Variants in PCDHGB1 observed in about 807,000 individuals in gnomAD.
PCDHGB1 encodes protocadherin gamma subfamily B, 1.
Under a neutral mutation model 56.6 loss-of-function variants are expected in PCDHGB1, and 34 were observed. The observed-to-expected ratio is 0.60, with a 90% confidence interval of 0.46 to 0.80. The LOEUF is 0.80. PCDHGB1 is among the 30% of genes least tolerant of loss of function. The probability of loss-of-function intolerance (pLI) is 0.00; values close to 1 mark genes in which losing one functional copy is unlikely to be tolerated. For synonymous variants in PCDHGB1, 561 were observed against 505.9 expected (o/e 1.11, Z -1.46); for missense variants, 1,278 against 1,204.6 (o/e 1.06, Z -0.90).
At chr5:141,362,567 ATTAAT>A in intron 1 of PCDHGB1, 1 of 1,607,936 alleles carries the variant, frequency 6.2e-7, no homozygotes, top group Non-Finnish European at 8.5e-7. Context: ...GTGAGCTTTA[ATTAAT>A]TTATTTTCAC....
intron 1 of PCDHGB1, among the ~76,000 whole-genome samples, chr5:141,484,179 A>G (rs2099592960): frequency 6.6e-6 from 1 of 152,222 alleles, no homozygotes; most frequent in South Asian, 2.1e-4. Context: ...GATCTCAATC[A>G]TTCAAGGAAG....
At position 141,489,774 on chromosome 5, in the gene PCDHGB1, C is replaced by T; in HGVS notation, c.2410-5033C>T. The T allele has an allele frequency of 1.2e-6, 2 of 1,614,164 alleles. No homozygotes were observed. Among genetic ancestry groups the T allele is most frequent in the Non-Finnish European group, 8.5e-7 (1 of 1,179,998 alleles). On this transcript the variant is annotated intron_variant, in intron 1 of 3. Transcript: ENST00000523390. The surrounding 1 kb of genome is among the most constrained non-coding windows in gnomAD (Gnocchi z 4.5). The stretch of plus-strand genomic sequence containing the variant: ...ACACTCTAAGCCCCAACAGCCACTT[C>T]TCTCTGAATGTGAAGACCCTAAAAG...
rs374253072 is a variant in PCDHGB1, at chr5:141,476,894, G to A, written c.2410-17913G>A. ...GCGCGTCCTGGAGGATGCACCCTCCGGCACGCGCGTGGTACAAGTCCTTGC... is the reference window on the plus strand; with the variant it reads ...GCGCGTCCTGGAGGATGCACCCTCCAGCACGCGCGTGGTACAAGTCCTTGC... On this transcript the variant is annotated intron_variant, in intron 1 of 3. Transcript: ENST00000523390. The surrounding 1 kb of genome is among the most constrained non-coding windows in gnomAD (Gnocchi z 7.6). 48 of 1,613,834 alleles carry A rather than the reference G, an allele frequency of 3.0e-5. No homozygotes were observed. In the African/African-American group the frequency reaches 5.6e-4, roughly 19 times the overall value.
At chr5:141,384,225 G>A (rs757132379) in intron 1 of PCDHGB1, 1 of 1,613,856 alleles carries the variant, frequency 6.2e-7, no homozygotes, top group Non-Finnish European at 8.5e-7. Context: ...TCATGCAGGT[G>A]GCAGACACCA....
chr5:141,371,694 T>A lies in PCDHGB1; in HGVS notation c.2409+19025T>A, dbSNP rs1409788183. 6.8e-6 allele frequency: 11 copies of A among 1,613,912 alleles called. No homozygotes were observed. The Admixed American group carries it at 1.7e-4, about 24-fold the overall frequency. ...CGACAAAGGCAATCCACCGCTCTCC[T>A]CCAGCAAGACCATCACTCTGCACAT... On this transcript the variant is annotated intron_variant, in intron 1 of 3. Coordinates refer to ENST00000523390, the MANE Select transcript of PCDHGB1 (RefSeq NM_018922.3).
intron 1 of PCDHGB1, among the ~76,000 whole-genome samples, chr5:141,473,343 T>C (rs1309426537): frequency 6.6e-6 from 1 of 152,218 alleles, no homozygotes; most frequent in Non-Finnish European, 1.5e-5. Flanking sequence ...TGCTAGACAG[T>C]GAGGATGCAA....
At chr5:141,402,812 C>A in intron 1 of PCDHGB1, 1 of 1,243,796 alleles carries the variant, frequency 8.0e-7, no homozygotes, top group Non-Finnish European at 1.1e-6. Flanking sequence ...GCAGATACCA[C>A]AAACCTGCTC....
At chr5:141,423,880 G>A in intron 1 of PCDHGB1, 1 of 1,282,292 alleles carries the variant, frequency 7.8e-7, no homozygotes, top group Middle Eastern at 2.9e-4. Context: ...TTTCAATCTT[G>A]GCATATTTTC....
rs200777796 is a variant in PCDHGB1, at chr5:141,352,653, C to A, written c.2393C>A (p.Pro798His). ...GAAGATCACAAAATCGCTTATGACCCTTCTTTGTCTTCGCACGTGAGTTTC... is the reference window on the plus strand; with the variant it reads ...GAAGATCACAAAATCGCTTATGACCATTCTTTGTCTTCGCACGTGAGTTTC... ...SNEDHKIAYD[P>H]SLSSHQAPPN... Residue 798 changes from proline to histidine, a missense_variant, in exon 1 of 4, where the codon CCT (proline) becomes CAT (histidine). Transcript: ENST00000523390. The A allele has an allele frequency of 6.6e-4, 1,052 of 1,597,498 alleles. No homozygotes were observed. The highest frequency in any genetic ancestry group is 8.1e-4 in the Non-Finnish European group (954 of 1,171,256).
rs181397365 is a variant in PCDHGB1, at chr5:141,481,810, G to A, written c.2410-12997G>A. Among the ~76,000 whole-genome samples, 99 of 151,944 alleles carry A rather than the reference G, an allele frequency of 6.5e-4. 1 individual carries two copies. The highest frequency in any genetic ancestry group is 2.4e-3 in the African/African-American group (98 of 41,418). On this transcript the variant is annotated intron_variant, in intron 1 of 3. Transcript: ENST00000523390. ...CTACTAAAAATACAAAAATTCACCA[G>A]GCGTGGTGGCTGAGGCAGGAGAATC...
chr5:141,458,514 T>G (rs1338106276), intron 1 of PCDHGB1, among the ~76,000 whole-genome samples: 1 of 129,036 alleles, frequency 7.7e-6, no homozygotes, highest in African/African-American at 3.6e-5. Context: ...TGACACTTTG[T>G]TTTTTTTTTT....
chr5:141,476,926 T>G lies in PCDHGB1; in HGVS notation c.2410-17881T>G, dbSNP rs779017502. ...GCGTGGTACAAGTCCTTGCAACGGA[T>G]CTGGATGAAGGCCCCAACGGTGAAA... is the stretch of plus-strand genomic sequence containing the variant. On this transcript the variant is annotated intron_variant, in intron 1 of 3. Coordinates refer to ENST00000523390, the MANE Select transcript of PCDHGB1 (RefSeq NM_018922.3). The surrounding 1 kb of genome is among the most constrained non-coding windows in gnomAD (Gnocchi z 7.6). 1 of 1,614,072 alleles carries G rather than the reference T, an allele frequency of 6.2e-7. No homozygotes were observed. The highest frequency in any genetic ancestry group is 1.1e-5 in the South Asian group (1 of 91,092).
At chr5:141,360,063 A>C in intron 1 of PCDHGB1, 1 of 1,455,012 alleles carries the variant, frequency 6.9e-7, no homozygotes, top group Non-Finnish European at 9.1e-7. Context: ...AGGAAAAGTG[A>C]CCTTAGCCCG....
At chr5:141,389,359 G>C (rs768908018) in intron 1 of PCDHGB1, 99 of 1,613,770 alleles carry the variant, frequency 6.1e-5, no homozygotes, top group Non-Finnish European at 8.2e-5. Context: ...ATCATGGCCA[G>C]TGACCTGGAG....
At chr5:141,494,648 T>G in intron 1 of PCDHGB1, 159 bp from the exon 2 acceptor site, 1 of 946,506 alleles carries the variant, frequency 1.1e-6, no homozygotes, top group Non-Finnish European at 1.3e-6. Flanking sequence ...ACCTGAGGTG[T>G]ATTTTGTCTT....
At chr5:141,408,280 C>T in intron 1 of PCDHGB1, 1 of 1,612,648 alleles carries the variant, frequency 6.2e-7, no homozygotes, top group Non-Finnish European at 8.5e-7. Flanking sequence ...CTTTGTTCTA[C>T]CCCACCCTGA....
At position 141,408,901 on chromosome 5, in the gene PCDHGB1, G is replaced by A. The variant is rs529239605; in HGVS notation, c.2409+56232G>A. On this transcript the variant is annotated intron_variant, in intron 1 of 3. Transcript: ENST00000523390. ...CCGCTCACATAGAAATTTCTGTCAA[G>A]GATACCAATGATAACCCCCCGGTTT... 269 of 1,613,216 alleles carry A rather than the reference G, an allele frequency of 1.7e-4. 6 individuals carry two copies. The South Asian group carries it at 2.8e-3, about 17-fold the overall frequency.
Position 141,438,021 on chromosome 5 carries a change from G to T in PCDHGB1, c.2410-56786G>T, listed in dbSNP as rs112167613. ...CTCCCAAATAGCTGAGATTACAGGT[G>T]TGAGCCACCATGCCCGACCACTTTG... On this transcript the variant is annotated intron_variant, in intron 1 of 3. Transcript: ENST00000523390. Among the ~76,000 whole-genome samples the T allele has an allele frequency of 1.6e-3, 250 of 152,256 alleles. 2 individuals are homozygous for T. Among genetic ancestry groups the T allele is most frequent in the African/African-American group, 5.3e-3 (221 of 41,544 alleles).
At chr5:141,374,364 A>C in intron 1 of PCDHGB1, 2 of 1,614,024 alleles carry the variant, frequency 1.2e-6, no homozygotes, top group Non-Finnish European at 1.7e-6. Context: ...GACCGCGAGG[A>C]GCTCTGTGCT....
Sources: allele counts gnomAD v4.1 joint callset (sites outside exome capture counted in the v4.1 genomes callset), GRCh38; gene constraint gnomAD v4.1.1; non-coding constraint Gnocchi (gnomAD v3.1); transcripts MANE v1.5; gene names NCBI Gene and HGNC (gene_info 2026-07-23, HGNC 2026-07-21).